TSPAN15: variants seen among roughly 807,000 people sequenced by gnomAD.
TSPAN15 encodes the protein tetraspanin 15.
In TSPAN15, 20 loss-of-function variants were observed where a neutral mutation model predicts 34.5. The ratio of observed to expected loss-of-function variants is 0.58; its 90% CI spans 0.41 to 0.84. TSPAN15 has a LOEUF of 0.84. Among genes scored for constraint, TSPAN15 ranks in the 40% least tolerant of loss-of-function variants. TSPAN15 has a pLI of 0.00. For missense variants in TSPAN15, 313 were observed against 386.1 expected, an observed-to-expected ratio of 0.81 and a Z score of 1.59; for synonymous variants, 155 against 153.9, an observed-to-expected ratio of 1.01 and a Z score of -0.05.
At chr10:69,453,076 A>G (rs1405375625) in intron 1 of TSPAN15, among the ~76,000 whole-genome samples, 1 of 152,154 alleles carries the variant, frequency 6.6e-6, no homozygotes, top group Non-Finnish European at 1.5e-5. Flanking sequence ...CTAGAAGACT[A>G]GTCTGAGGCC....
rs1288452423 is a variant in TSPAN15 at position 69,507,656 on chromosome 10, T to TG, written c.*678_*679insG. On this transcript the variant is annotated 3_prime_UTR_variant, in exon 8 of 8. Transcript: ENST00000373290. The stretch of plus-strand genomic sequence containing the variant: ...TAATCAAACAATAAAAACATGTTTT[T>TG]TTTTTTTTTTTTTTTTTGCCTTTCC... The TG allele has an allele frequency of 5.2e-6, 6 of 1,152,142 alleles. No individual in the cohort carries two copies. Among genetic ancestry groups the TG allele is most frequent in the Non-Finnish European group, 6.6e-6 (6 of 913,218 alleles). The allele number at this position is 1,152,142 out of a possible 1,614,324, so 71.4% of individuals were successfully genotyped here.
At chr10:69,521,987 A>T in the TSPAN15 span, among the ~76,000 whole-genome samples, 1 of 147,664 alleles carries the variant, frequency 6.8e-6, no homozygotes, top group Non-Finnish European at 1.5e-5. Flanking sequence ...CCTAGTTTTG[A>T]TTTGCATTTC....
Position 69,506,768 on chromosome 10 carries a change from C to A in TSPAN15, c.736-61C>A. ...TGCTTGGGTTTCTGGGAGCCGGGAG[C>A]TGCAGGGAGGGCTGCCCTGATTCCC... On this transcript the variant is annotated intron_variant, in intron 7 of 7. Transcript: ENST00000373290. This position sits in a 1 kb window ranked among gnomAD's most constrained non-coding sequence, Gnocchi z 4.7. 6.6e-7 allele frequency: 1 copy of A among 1,518,940 alleles called. No homozygotes were observed. The highest frequency in any genetic ancestry group is 8.9e-7 in the Non-Finnish European group (1 of 1,120,850). 94.1% of individuals were successfully genotyped at this position (1,518,940 alleles called of 1,614,324 possible). A position where few individuals can be genotyped will look rare whatever the true frequency, so the allele number is the denominator to read the frequency against.
intron 1 of TSPAN15, among the ~76,000 whole-genome samples, chr10:69,468,170 C>A (rs1477920487): frequency 2.7e-5 from 4 of 150,348 alleles, no homozygotes; most frequent in Non-Finnish European, 5.9e-5. Flanking sequence ...GGAAGCCAGA[C>A]CCAAGACTCC....
the TSPAN15 span, among the ~76,000 whole-genome samples, chr10:69,529,639 A>G: frequency 1.1e-4 from 16 of 147,798 alleles, 3 homozygotes; most frequent in Admixed American, 1.1e-3. Flanking sequence ...TCCCAATGGT[A>G]TTTCAAGATT....
intron 4 of TSPAN15, 104 bp from the exon 5 acceptor site, chr10:69,498,176 C>T (rs1436445855): frequency 2.1e-6 from 2 of 975,350 alleles, no homozygotes; most frequent in African/African-American, 1.6e-5. Flanking sequence ...CCCAGGGTGA[C>T]CCACATAATA....
At chr10:69,526,644 G>GCA in the TSPAN15 span, among the ~76,000 whole-genome samples, 1 of 147,320 alleles carries the variant, frequency 6.8e-6, no homozygotes, top group African/African-American at 2.5e-5. Context: ...ATAAAAGTTA[G>GCA]CCCAGTGTGG....
intron 1 of TSPAN15, among the ~76,000 whole-genome samples, chr10:69,466,467 G>T (rs578179751): frequency 2.6e-4 from 39 of 152,296 alleles, no homozygotes; most frequent in Admixed American, 2.5e-3. Flanking sequence ...CATGTGGGAA[G>T]TGTGATGTGT....
rs926132671 is a variant in TSPAN15 at position 69,507,654 on chromosome 10, T to G, written c.*676T>G. On this transcript the variant is annotated 3_prime_UTR_variant, in exon 8 of 8. Coordinates refer to ENST00000373290, the MANE Select transcript of TSPAN15 (RefSeq NM_012339.5). ...GTTAATCAAACAATAAAAACATGTT[T>G]TTTTTTTTTTTTTTTTTTTGCCTTT... 6.9e-6 allele frequency: 6 copies of G among 864,742 alleles called. No homozygotes were observed. Among genetic ancestry groups the G allele is most frequent in the African/African-American group, 3.6e-5 (1 of 27,466 alleles). The allele number at this position is 864,742 out of a possible 1,614,324, so 53.6% of individuals were successfully genotyped here.
rs544853819 is a variant in TSPAN15, at chr10:69,477,961, A to G, written c.97-5730A>G. On this transcript the variant is annotated intron_variant, in intron 1 of 7. Coordinates refer to ENST00000373290, the MANE Select transcript of TSPAN15 (RefSeq NM_012339.5). ...AGGATAGTGGCAAAGCATAATCACT[A>G]TAAGAGCCAACAGGCTTTACTGTTT... Among the ~76,000 whole-genome samples the G allele has an allele frequency of 1.6e-4, 25 of 152,354 alleles. 1 individual carries two copies. Among genetic ancestry groups the G allele is most frequent in the African/African-American group, 5.0e-4 (21 of 41,592 alleles).
chr10:69,544,533 C>T, the TSPAN15 span, among the ~76,000 whole-genome samples: 3 of 152,224 alleles, frequency 2.0e-5, no homozygotes, highest in South Asian at 6.2e-4. Context: ...CAAGGCTATG[C>T]CTCCAGGTCT....
In TSPAN15 at chr10:69,468,303, G is replaced by T. The variant is rs574450045; in HGVS notation, c.97-15388G>T. The stretch of plus-strand genomic sequence containing the variant: ...GCCCACAGCCTGCCTGGGGAGACCC[G>T]GTGTGCCCTGGTGTGGCCGGGTCAT... On this transcript the variant is annotated intron_variant, in intron 1 of 7. Transcript: ENST00000373290. Among the ~76,000 whole-genome samples, 342 of 152,304 alleles carry T rather than the reference G, an allele frequency of 2.2e-3. 1 individual carries two copies. Among genetic ancestry groups the T allele is most frequent in the African/African-American group, 7.7e-3 (318 of 41,564 alleles).
At chr10:69,466,394 T>A (rs1841385552) in intron 1 of TSPAN15, among the ~76,000 whole-genome samples, 1 of 152,266 alleles carries the variant, frequency 6.6e-6, no homozygotes, top group South Asian at 2.1e-4. Flanking sequence ...CCCCGCTGAT[T>A]CCTGGTGGTG....
At chr10:69,527,369 G>T in the TSPAN15 span, among the ~76,000 whole-genome samples, 1 of 147,672 alleles carries the variant, frequency 6.8e-6, no homozygotes, top group South Asian at 2.1e-4. Flanking sequence ...GCTGAGACAG[G>T]CAGATCACCT....
chr10:69,459,879 C>A, intron 1 of TSPAN15, among the ~76,000 whole-genome samples: 1 of 151,154 alleles, frequency 6.6e-6, no homozygotes, highest in Middle Eastern at 3.4e-3. Flanking sequence ...ACGGGGCCTA[C>A]TCTAGGGTCC....
chr10:69,546,448 C>T, the TSPAN15 span, among the ~76,000 whole-genome samples: 1 of 152,180 alleles, frequency 6.6e-6, no homozygotes, highest in Non-Finnish European at 1.5e-5. Context: ...ATCCCATGGC[C>T]TATGGGACAC....
the TSPAN15 span, among the ~76,000 whole-genome samples, chr10:69,532,292 G>A: frequency 1.2e-4 from 18 of 152,120 alleles, no homozygotes; most frequent in Admixed American, 7.2e-4. Flanking sequence ...CTATAAGGCC[G>A]TAGTCACCAA....
chr10:69,545,239 A>G, the TSPAN15 span, among the ~76,000 whole-genome samples: 1 of 152,158 alleles, frequency 6.6e-6, no homozygotes, highest in Admixed American at 6.5e-5. Context: ...AGTGCTTGCT[A>G]GAGGGCATGG....
intron 1 of TSPAN15, among the ~76,000 whole-genome samples, chr10:69,463,979 A>G (rs949958058): frequency 6.6e-6 from 1 of 152,228 alleles, no homozygotes; most frequent in African/African-American, 2.4e-5. Flanking sequence ...TGCCTTTATA[A>G]GAGAAAGGCA....
Sources: allele counts gnomAD v4.1 joint callset (sites outside exome capture counted in the v4.1 genomes callset), GRCh38; gene constraint gnomAD v4.1.1; non-coding constraint Gnocchi (gnomAD v3.1); transcripts MANE v1.5; gene names NCBI Gene and HGNC (gene_info 2026-07-23, HGNC 2026-07-21).